Variants in OTUD7A observed in about 807,000 individuals in gnomAD.
OTUD7A encodes the protein OTU deubiquitinase 7A.
Under a neutral mutation model 65.7 loss-of-function variants are expected in OTUD7A, and 12 were observed. The observed-to-expected ratio is 0.18, with a 90% confidence interval of 0.12 to 0.30. OTUD7A has a LOEUF of 0.30. Among genes scored for constraint, OTUD7A ranks in the 10% least tolerant of loss-of-function variants. The pLI, the probability that OTUD7A is intolerant of heterozygous loss-of-function variation, is 1.00. For missense variants in OTUD7A, 1,148 were observed against 1,304.8 expected (o/e 0.88, Z 1.85); for synonymous variants, 641 against 586.3 (o/e 1.09, Z -1.35).
chr15:31,564,464 G>A (rs1360976225), intron 4 of OTUD7A, among the ~76,000 whole-genome samples: 1 of 149,166 alleles, frequency 6.7e-6, no homozygotes, highest in African/African-American at 2.5e-5. Flanking sequence ...AATAAGCAAA[G>A]GCAACAAAAA....
intron 3 of OTUD7A, among the ~76,000 whole-genome samples, chr15:31,610,261 C>A (rs571308049): frequency 6.6e-6 from 1 of 152,012 alleles, no homozygotes; most frequent in East Asian, 1.9e-4. Context: ...CATCACAATC[C>A]TAACCATATA....
intron 1 of OTUD7A, among the ~76,000 whole-genome samples, chr15:31,813,397 T>G (rs1023145121): frequency 2.0e-5 from 3 of 152,234 alleles, no homozygotes; most frequent in Admixed American, 1.3e-4. Context: ...GATGATTTAC[T>G]GCATGACACA....
chr15:31,836,109 C>T (rs565871320), intron 1 of OTUD7A, among the ~76,000 whole-genome samples: 1 of 143,574 alleles, frequency 7.0e-6, no homozygotes, highest in Non-Finnish European at 1.5e-5. Context: ...TAAAGCATAT[C>T]CCCTGTGATA....
intron 3 of OTUD7A, among the ~76,000 whole-genome samples, chr15:31,597,250 A>C (rs1278484123): frequency 6.6e-6 from 1 of 152,106 alleles, no homozygotes; most frequent in African/African-American, 2.4e-5. Context: ...GTGTCTTTTG[A>C]TGAACCAAAA....
chr15:31,711,541 A>C (rs1893447166), intron 1 of OTUD7A, among the ~76,000 whole-genome samples: 1 of 150,040 alleles, frequency 6.7e-6, no homozygotes, highest in Non-Finnish European at 1.5e-5. Context: ...CAGGAGGATT[A>C]AATTCTAAAT....
chr15:31,747,593 T>C (rs1434421353), intron 1 of OTUD7A, among the ~76,000 whole-genome samples: 2 of 152,104 alleles, frequency 1.3e-5, no homozygotes, highest in African/African-American at 4.8e-5. Flanking sequence ...CATAAGTCCA[T>C]ATAAATAGAT....
chr15:31,481,471 A>C lies in OTUD7A; in HGVS notation c.*1823T>G, dbSNP rs376394823. 5.9e-5 allele frequency: 9 copies of C among 152,344 alleles called. No homozygotes were observed. In the East Asian group the frequency reaches 1.3e-3, roughly 23 times the overall value. 9.4% of individuals were successfully genotyped at this position (152,344 alleles called of 1,614,324 possible). A position where few individuals can be genotyped will look rare whatever the true frequency, so the allele number is the denominator to read the frequency against. On this transcript the variant is annotated 3_prime_UTR_variant, in exon 13 of 13. Coordinates refer to ENST00000307050, the MANE Select transcript of OTUD7A (RefSeq NM_001382637.1). ...TTTTGTTTTCTGAGTAATAAAAGAA[A>C]CCCCAGTAATATTAGGGACATGGAT...
chr15:31,832,853 G>A (rs769638969), intron 1 of OTUD7A, among the ~76,000 whole-genome samples: 14 of 152,134 alleles, frequency 9.2e-5, no homozygotes, highest in South Asian at 2.1e-4. Flanking sequence ...ATAGATTGAG[G>A]GTCACTTGGG....
chr15:31,764,307 C>A (rs1895045792), intron 1 of OTUD7A, among the ~76,000 whole-genome samples: 1 of 152,040 alleles, frequency 6.6e-6, no homozygotes, highest in Non-Finnish European at 1.5e-5. Context: ...TCATAATTTT[C>A]TGTCAAGGTT....
At chr15:31,566,149 C>CCT (rs1888865561) in intron 4 of OTUD7A, among the ~76,000 whole-genome samples, 1 of 151,340 alleles carries the variant, frequency 6.6e-6, no homozygotes, top group Non-Finnish European at 1.5e-5. Context: ...CGAGATTGCG[C>CCT]CACTGCACTC....
intron 1 of OTUD7A, among the ~76,000 whole-genome samples, chr15:31,776,729 C>G (rs562744037): frequency 2.0e-5 from 3 of 152,222 alleles, no homozygotes; most frequent in Admixed American, 6.5e-5. Flanking sequence ...CTGAAGGAAC[C>G]GGGGGTCCTT....
At chr15:31,826,834 G>A (rs1896808870) in intron 1 of OTUD7A, among the ~76,000 whole-genome samples, 1 of 152,142 alleles carries the variant, frequency 6.6e-6, no homozygotes, top group East Asian at 1.9e-4. Flanking sequence ...CAGATCTCTA[G>A]GGCTGGGGCA....
chr15:31,731,536 C>G (rs868560530), intron 1 of OTUD7A, among the ~76,000 whole-genome samples: 2 of 152,080 alleles, frequency 1.3e-5, no homozygotes, highest in South Asian at 2.1e-4. Flanking sequence ...CAGTGGTTAC[C>G]AGGGGCTAGA....
intron 3 of OTUD7A, among the ~76,000 whole-genome samples, chr15:31,609,882 C>A (rs4779901): frequency 0.32 from 48,184 of 152,108 alleles, 9,729 homozygotes; most frequent in African/African-American, 0.57. Context: ...CCCATAGATG[C>A]TTCACATCAC....
chr15:31,571,491 T>C (rs1223448404), intron 3 of OTUD7A, among the ~76,000 whole-genome samples: 1 of 152,196 alleles, frequency 6.6e-6, no homozygotes, highest in African/African-American at 2.4e-5. Flanking sequence ...TTTTGAGCCC[T>C]GGTTCCACCT....
intron 1 of OTUD7A, among the ~76,000 whole-genome samples, chr15:31,699,914 A>C (rs1893175035): frequency 6.6e-6 from 1 of 152,026 alleles, no homozygotes; most frequent in African/African-American, 2.4e-5. Flanking sequence ...ATTGTTAACA[A>C]AGAAAATTCC....
chr15:31,764,109 T>C (rs954985558), intron 1 of OTUD7A, among the ~76,000 whole-genome samples: 5 of 152,200 alleles, frequency 3.3e-5, no homozygotes, highest in Non-Finnish European at 5.9e-5. Context: ...GGTACATATA[T>C]GGATAATATA....
At chr15:31,614,593 A>G (rs534310611) in intron 3 of OTUD7A, among the ~76,000 whole-genome samples, 4 of 152,218 alleles carry the variant, frequency 2.6e-5, no homozygotes, top group East Asian at 1.9e-4. Context: ...CTACAGTCCT[A>G]TATCTTGTAA....
chr15:31,867,201 T>A lies in OTUD7A; in HGVS notation c.-100+3306A>T, dbSNP rs576241453. Among the ~76,000 whole-genome samples the A allele has an allele frequency of 3.3e-5, 5 of 152,330 alleles. No homozygotes were observed. The East Asian group carries it at 7.7e-4, about 23-fold the overall frequency. ...GTGGTTGAATAACCTGGCACACACT[T>A]AAAATCAGATAAAGCACATTTTAAG... On this transcript the variant is annotated intron_variant, in intron 1 of 12. Transcript: ENST00000307050.
Sources: gnomAD v4.1 joint callset for allele counts (sites outside exome capture counted in the v4.1 genomes callset) on GRCh38, gnomAD v4.1.1 for gene constraint, MANE v1.5 for transcripts, NCBI Gene and HGNC (gene_info 2026-07-23, HGNC 2026-07-21) for gene names.